LTBP1: variants seen among roughly 807,000 people sequenced by gnomAD.
LTBP1 encodes latent transforming growth factor beta binding protein 1, also known as latent-transforming growth factor beta-binding protein 1.
Under a neutral mutation model 207.6 loss-of-function variants are expected in LTBP1, and 129 were observed. The ratio of observed to expected loss-of-function variants is 0.62; its 90% confidence interval spans 0.54 to 0.72. The LOEUF is 0.72. Ranked by LOEUF, LTBP1 falls within the 30% of genes least tolerant of loss-of-function variation. LTBP1 has a pLI of 0.00. For synonymous variants in LTBP1, 963 were observed against 833.7 expected (o/e 1.16, Z -2.67); for missense variants, 2,281 against 2,217.2 (o/e 1.03, Z -0.58).
intron 11 of LTBP1, 84 bp from the exon 12 acceptor site, chr2:33,257,200 A>C: frequency 1.0e-6 from 1 of 962,770 alleles, no homozygotes; most frequent in Non-Finnish European, 1.6e-6. Flanking sequence ...TGATTTATTA[A>C]GAGCTATTCA....
At chr2:33,037,677 C>T (rs1558545539) in intron 3 of LTBP1, among the ~76,000 whole-genome samples, 1 of 152,078 alleles carries the variant, frequency 6.6e-6, no homozygotes, top group Non-Finnish European at 1.5e-5. Flanking sequence ...TGTGAGTATT[C>T]ATTGGAATTT....
At chr2:33,228,622 C>T (rs145153525) in intron 9 of LTBP1, among the ~76,000 whole-genome samples, 2 of 148,924 alleles carry the variant, frequency 1.3e-5, no homozygotes, top group East Asian at 2.0e-4. Context: ...CTCAATTAGA[C>T]ATTGAGACAC....
chr2:33,384,666 A>G (rs991184812), intron 31 of LTBP1, among the ~76,000 whole-genome samples: 2 of 152,262 alleles, frequency 1.3e-5, no homozygotes, highest in African/African-American at 4.8e-5. Flanking sequence ...TCATCTCCAC[A>G]TGTTGAGCTG....
intron 24 of LTBP1, 125 bp downstream of exon 24, chr2:33,315,394 C>T: frequency 8.4e-7 from 1 of 1,183,570 alleles, no homozygotes; most frequent in Non-Finnish European, 1.2e-6. Context: ...AGCATGTATG[C>T]ATCAAAGTAA....
intron 3 of LTBP1, among the ~76,000 whole-genome samples, chr2:33,085,371 A>T (rs536374842): frequency 6.6e-6 from 1 of 152,368 alleles, no homozygotes; most frequent in South Asian, 2.1e-4. Flanking sequence ...ATTATGAGAA[A>T]TAATGGACAC....
At position 33,054,469 on chromosome 2, in the gene LTBP1, G is replaced by C. The variant is rs1361598776; in HGVS notation, c.863+33263G>C. Among the ~76,000 whole-genome samples, 3 of 152,070 alleles carry C rather than the reference G, an allele frequency of 2.0e-5. No individual in the cohort carries two copies. In the East Asian group the frequency reaches 5.8e-4, roughly 29 times the overall value. ...CAGGGTTGATTCCCTCCTCAAGTAG[G>C]GGACAACAAATGGGTAACTTGTTCC... On this transcript the variant is annotated intron_variant, in intron 3 of 33. Transcript: ENST00000404816.
chr2:33,126,578 G>T (rs896573933), intron 4 of LTBP1, among the ~76,000 whole-genome samples: 2 of 152,158 alleles, frequency 1.3e-5, no homozygotes, highest in Non-Finnish European at 2.9e-5. Flanking sequence ...GCTGACAGCT[G>T]GAAAACTTAG....
At chr2:33,227,786 G>A (rs539084775) in intron 9 of LTBP1, among the ~76,000 whole-genome samples, 1 of 143,884 alleles carries the variant, frequency 7.0e-6, no homozygotes, top group East Asian at 2.2e-4. Flanking sequence ...TGTTATTGAT[G>A]AGATAAGAAG....
At chr2:33,261,838 G>A (rs116193238) in intron 13 of LTBP1, among the ~76,000 whole-genome samples, 2,217 of 152,264 alleles carry the variant, frequency 0.015, 22 homozygotes, top group East Asian at 0.025. Flanking sequence ...CAGAAAATAG[G>A]TGATACTTGA....
At chr2:33,220,298 C>A (rs1018261909) in intron 8 of LTBP1, among the ~76,000 whole-genome samples, 1 of 152,008 alleles carries the variant, frequency 6.6e-6, no homozygotes, top group African/African-American at 2.4e-5. Flanking sequence ...AGCAGACTTT[C>A]CTTGGCTTTC....
At chr2:33,253,787 C>T (rs1573444592) in intron 11 of LTBP1, among the ~76,000 whole-genome samples, 1 of 151,194 alleles carries the variant, frequency 6.6e-6, no homozygotes, top group East Asian at 1.9e-4. Flanking sequence ...AAGGATAATA[C>T]AACATTGATG....
At chr2:33,109,323 G>A (rs946753304) in intron 3 of LTBP1, among the ~76,000 whole-genome samples, 1 of 152,206 alleles carries the variant, frequency 6.6e-6, no homozygotes, top group South Asian at 2.1e-4. Context: ...CAGATAGTCA[G>A]TCCCTCCTTA....
chr2:32,990,015 G>A (rs1186942922), intron 2 of LTBP1, among the ~76,000 whole-genome samples: 1 of 152,206 alleles, frequency 6.6e-6, no homozygotes, highest in Non-Finnish European at 1.5e-5. Context: ...TGAGGTGGGA[G>A]GACCGCTTGA....
intron 24 of LTBP1, among the ~76,000 whole-genome samples, chr2:33,327,131 T>G (rs1460238306): frequency 6.6e-6 from 1 of 152,140 alleles, no homozygotes; most frequent in Non-Finnish European, 1.5e-5. Context: ...CTCTCAGTGG[T>G]TCAGATAGAC....
At chr2:33,210,212 G>A (rs2149264622) in intron 7 of LTBP1, among the ~76,000 whole-genome samples, 1 of 152,320 alleles carries the variant, frequency 6.6e-6, no homozygotes, top group Non-Finnish European at 1.5e-5. Context: ...GACAGCATTT[G>A]TTGAGATAAG....
intron 3 of LTBP1, among the ~76,000 whole-genome samples, chr2:33,078,023 G>A (rs1208688017): frequency 1.3e-5 from 2 of 152,170 alleles, no homozygotes; most frequent in African/African-American, 4.8e-5. Flanking sequence ...GTTCATTCAG[G>A]AAGAGAGGCC....
chr2:33,120,878 T>C (rs1423259587), intron 4 of LTBP1, among the ~76,000 whole-genome samples: 1 of 152,232 alleles, frequency 6.6e-6, no homozygotes, highest in Non-Finnish European at 1.5e-5. Context: ...TTAAGCAAAG[T>C]ACTATGCTAT....
chr2:33,050,636 A>G (rs565837987), intron 3 of LTBP1, among the ~76,000 whole-genome samples: 1 of 152,216 alleles, frequency 6.6e-6, no homozygotes, highest in Non-Finnish European at 1.5e-5. Flanking sequence ...TCTGCTACAG[A>G]TAGTGTCTAA....
At chr2:32,990,183 T>G (rs1463403089) in intron 2 of LTBP1, among the ~76,000 whole-genome samples, 1 of 152,220 alleles carries the variant, frequency 6.6e-6, no homozygotes, top group East Asian at 1.9e-4. Flanking sequence ...TGATGCTTAT[T>G]GTACTCTATC....
Sources: gnomAD v4.1 joint callset for allele counts (sites outside exome capture counted in the v4.1 genomes callset) on GRCh38, gnomAD v4.1.1 for gene constraint, MANE v1.5 for transcripts, NCBI Gene and HGNC (gene_info 2026-07-23, HGNC 2026-07-21) for gene names.